Variants in PFKFB3 observed in about 807,000 individuals in gnomAD.
The protein encoded by PFKFB3 is 6-phosphofructo-2-kinase/fructose-2,6-bisphosphatase 3.
In PFKFB3, 33 loss-of-function variants were observed where a neutral mutation model predicts 68.0. The observed-to-expected ratio is 0.49, with a 90% CI of 0.37 to 0.65. The LOEUF (loss-of-function observed/expected upper bound fraction) is 0.65. Among genes scored for constraint, PFKFB3 ranks in the 30% least tolerant of loss-of-function variants. The probability of loss-of-function intolerance (pLI) is 0.00; values close to 1 mark genes in which losing one functional copy is unlikely to be tolerated. For missense variants in PFKFB3, 586 were observed against 712.2 expected (o/e 0.82, Z 2.02); for synonymous variants, 315 against 288.2 (o/e 1.09, Z -0.94).
chr10:6,254,190 G>A (rs1191109972), exon 15 of PFKFB3: 1 of 396,170 alleles, frequency 2.5e-6, no homozygotes, highest in Non-Finnish European at 4.4e-6. Context: ...GTTAAAGAGT[G>A]GAATTCCTGG....
chr10:6,157,059 T>G (rs535966709), intron 1 of PFKFB3, among the ~76,000 whole-genome samples: 1 of 150,242 alleles, frequency 6.7e-6, no homozygotes, highest in Non-Finnish European at 1.5e-5. Flanking sequence ...GCCACTGCAC[T>G]CCAGCCTGGG....
Position 6,224,220 on chromosome 10 carries a change from G to A in PFKFB3, c.1341+7G>A. 4.3e-6 allele frequency: 7 copies of A among 1,613,484 alleles called. No homozygotes were observed. Among genetic ancestry groups the A allele is most frequent in the Non-Finnish European group, 5.9e-6 (7 of 1,179,720 alleles). ...ACACCGGGAGAGGTCAGAGGTGAGT[G>A]GAGGCCCCAAGCCTCATCCTGGCCA... is the stretch of plus-strand genomic sequence containing the variant. On this transcript the variant is annotated splice_region_variant and intron_variant, in intron 13 of 14. Coordinates refer to ENST00000379775, the MANE Select transcript of PFKFB3 (RefSeq NM_004566.4).
At chr10:6,236,216 G>T (rs111575812), downstream of PFKFB3, among the ~76,000 whole-genome samples, 3,528 of 152,248 alleles carry the variant, frequency 0.023, 149 homozygotes, top group African/African-American at 0.081. Flanking sequence ...CCATGTTTCT[G>T]CAGGGAATAA....
rs1240398133 is a variant in PFKFB3 at position 6,233,007 on chromosome 10, C to T, written c.*65C>T. ...CTTAGCTTGTGTCCTGCCCTCCGCC[C>T]GAGGCAAAACGTATCCTGAGGACTT... On this transcript the variant is annotated 3_prime_UTR_variant, in exon 15 of 15. Coordinates refer to ENST00000379775, the MANE Select transcript of PFKFB3 (RefSeq NM_004566.4). 1.6e-5 allele frequency: 20 copies of T among 1,259,606 alleles called. No homozygotes were observed. The highest frequency in any genetic ancestry group is 3.6e-5 in the South Asian group (3 of 83,892). The allele number at this position is 1,259,606 out of a possible 1,614,324, so 78.0% of individuals were successfully genotyped here. A position where few individuals can be genotyped will look rare whatever the true frequency, so the allele number is the denominator to read the frequency against.
intron 14 of PFKFB3, among the ~76,000 whole-genome samples, chr10:6,248,937 G>A (rs1227513921): frequency 6.6e-6 from 1 of 152,086 alleles, no homozygotes; most frequent in Non-Finnish European, 1.5e-5. Context: ...ACTTTGGGAG[G>A]CCAAGGCAGG....
At chr10:6,152,881 T>TA (rs1475266754) in intron 1 of PFKFB3, among the ~76,000 whole-genome samples, 1 of 149,774 alleles carries the variant, frequency 6.7e-6, no homozygotes, top group Non-Finnish European at 1.5e-5. Context: ...ACCTTGTCTT[T>TA]AAAAAAAGGA....
the PFKFB3 span, among the ~76,000 whole-genome samples, chr10:6,324,682 G>A: frequency 1.3e-5 from 2 of 152,186 alleles, no homozygotes; most frequent in East Asian, 1.9e-4. Context: ...CACCCACCTC[G>A]GCCTCCAGAA....
intron 1 of PFKFB3, among the ~76,000 whole-genome samples, chr10:6,160,694 G>A (rs960650110): frequency 1.5e-5 from 2 of 136,976 alleles, no homozygotes; most frequent in Non-Finnish European, 3.1e-5. Flanking sequence ...TTCCAGCCTG[G>A]GCGACAAGAG....
chr10:6,150,221 A>G (rs907290513), intron 1 of PFKFB3, among the ~76,000 whole-genome samples: 1 of 152,256 alleles, frequency 6.6e-6, no homozygotes, highest in African/African-American at 2.4e-5. Context: ...GTTACGGTCT[A>G]TACCTCATGC....
intron 4 of PFKFB3, 53 bp downstream of exon 4, chr10:6,216,244 T>C (rs1169379114): frequency 4.0e-6 from 6 of 1,505,222 alleles, no homozygotes; most frequent in Non-Finnish European, 5.6e-6. Context: ...CATGAGGGTG[T>C]CCTCACCGGC....
At chr10:6,203,423 CTGCGGGGGGCGCGCCCG>C (rs1363547484) in intron 1 of PFKFB3, 87 bp downstream of exon 1, 6 of 924,638 alleles carry the variant, frequency 6.5e-6, no homozygotes, top group Non-Finnish European at 8.9e-6. Context: ...CGACGCCCCT[CTGCGGGGGGCGCGCCCG>C]TGCGGGTCGC....
chr10:6,236,244 C>T (rs1034853139), downstream of PFKFB3, among the ~76,000 whole-genome samples: 2 of 152,244 alleles, frequency 1.3e-5, no homozygotes, highest in African/African-American at 4.8e-5. Flanking sequence ...GCTTCTGTGA[C>T]TTCTTTGCCG....
In PFKFB3 at chr10:6,234,333, G is replaced by A. The variant is rs1010679333; in HGVS notation, c.*1391G>A. ...GCTCAAGGGACAGGTCCTGGGTGAGGGTGGGAGATTTAGACACCTGAAACT... is the reference window on the plus strand; with the variant it reads ...GCTCAAGGGACAGGTCCTGGGTGAGAGTGGGAGATTTAGACACCTGAAACT... On this transcript the variant is annotated 3_prime_UTR_variant, in exon 15 of 15. Coordinates refer to ENST00000379775, the MANE Select transcript of PFKFB3 (RefSeq NM_004566.4). 6.6e-6 allele frequency: 1 copy of A among 152,294 alleles called. No individual in the cohort carries two copies. Among genetic ancestry groups the A allele is most frequent in the Non-Finnish European group, 1.5e-5 (1 of 68,046 alleles). The allele number at this position is 152,294 out of a possible 1,614,324, so 9.4% of individuals were successfully genotyped here.
At chr10:6,205,043 A>T (rs1483756571) in intron 1 of PFKFB3, among the ~76,000 whole-genome samples, 1 of 152,188 alleles carries the variant, frequency 6.6e-6, no homozygotes, top group Non-Finnish European at 1.5e-5. Context: ...CACGTCTCAC[A>T]CGCAGTGAGA....
intron 1 of PFKFB3, among the ~76,000 whole-genome samples, chr10:6,178,588 C>T (rs1842605170): frequency 1.3e-5 from 2 of 152,082 alleles, no homozygotes; most frequent in Non-Finnish European, 2.9e-5. Flanking sequence ...ACAGAGTCCG[C>T]CCCACGGGTC....
chr10:6,191,867 C>T (rs747681070), intron 1 of PFKFB3, among the ~76,000 whole-genome samples: 10 of 152,120 alleles, frequency 6.6e-5, no homozygotes, highest in Non-Finnish European at 1.3e-4. Flanking sequence ...CTCCCTGTCT[C>T]GCTCTTTAGC....
intron 1 of PFKFB3, among the ~76,000 whole-genome samples, chr10:6,176,318 A>G (rs1842469526): frequency 1.3e-5 from 2 of 151,658 alleles, no homozygotes. Flanking sequence ...TTCTGTAGCG[A>G]CCTGGTTGAT....
At chr10:6,268,541 C>G in the PFKFB3 span, among the ~76,000 whole-genome samples, 1 of 152,098 alleles carries the variant, frequency 6.6e-6, no homozygotes, top group Non-Finnish European at 1.5e-5. Flanking sequence ...AGGAGAATCA[C>G]TCGAACGCAG....
intron 1 of PFKFB3, among the ~76,000 whole-genome samples, chr10:6,183,808 C>T (rs1842791957): frequency 6.6e-6 from 1 of 151,094 alleles, no homozygotes; most frequent in Admixed American, 6.6e-5. Context: ...CTGCCTCAGC[C>T]TCCCAAGTAG....
Sources: allele counts gnomAD v4.1 joint callset (sites outside exome capture counted in the v4.1 genomes callset), GRCh38; gene constraint gnomAD v4.1.1; transcripts MANE v1.5; gene names NCBI Gene and HGNC (gene_info 2026-07-23, HGNC 2026-07-21).